The following DNAJC5B variants were observed in gnomAD, a reference collection of about 807,000 sequenced individuals.
The protein encoded by DNAJC5B is DnaJ heat shock protein family (Hsp40) member C5 beta.
In DNAJC5B, 23 loss-of-function variants were observed where a neutral mutation model predicts 24.7. The observed-to-expected ratio is 0.93, with a 90% CI of 0.67 to 1.32. The LOEUF (loss-of-function observed/expected upper bound fraction) is 1.32, where lower values mean the gene tolerates loss of function less well. Among genes scored for constraint, DNAJC5B ranks in the 40% most tolerant of loss-of-function variants. The pLI, the probability that DNAJC5B is intolerant of heterozygous loss-of-function variation, is 0.00. For missense variants in DNAJC5B, 238 were observed against 240.8 expected, an observed-to-expected ratio of 0.99 and a Z score of 0.08; for synonymous variants, 101 against 90.1, an observed-to-expected ratio of 1.12 and a Z score of -0.68.
chr8:66,080,658 T>G, intron 5 of DNAJC5B, 110 bp downstream of exon 5: 1 of 898,398 alleles, frequency 1.1e-6, no homozygotes, highest in Non-Finnish European at 1.6e-6. Flanking sequence ...CACAACCAAA[T>G]GGGTGGAACT....
At chr8:66,045,875 G>T (rs74542209) in intron 2 of DNAJC5B, among the ~76,000 whole-genome samples, 2,664 of 152,274 alleles carry the variant, frequency 0.017, 68 homozygotes, top group African/African-American at 0.06. Context: ...TTTGTGAAAA[G>T]CATGAATGCT....
At chr8:66,091,268 A>T (rs1030626774) in intron 5 of DNAJC5B, among the ~76,000 whole-genome samples, 4 of 152,200 alleles carry the variant, frequency 2.6e-5, no homozygotes, top group African/African-American at 7.2e-5. Context: ...GTTAATTTAC[A>T]GGTACAATAA....
At chr8:66,037,654 C>T (rs774329939) in intron 1 of DNAJC5B, among the ~76,000 whole-genome samples, 17 of 152,158 alleles carry the variant, frequency 1.1e-4, no homozygotes, top group East Asian at 3.8e-4. Context: ...GGGAACCTTC[C>T]GATGACACTC....
At position 66,100,664 on chromosome 8, in the gene DNAJC5B, A is replaced by G. The variant is rs1808055554; in HGVS notation, c.*633A>G. 1 of 152,260 alleles carries G rather than the reference A, an allele frequency of 6.6e-6. No individual in the cohort carries two copies. The highest frequency in any genetic ancestry group is 1.5e-5 in the Non-Finnish European group (1 of 68,052). 9.4% of individuals were successfully genotyped at this position (152,260 alleles called of 1,614,324 possible). On this transcript the variant is annotated 3_prime_UTR_variant, in exon 6 of 6. Coordinates refer to ENST00000276570, the MANE Select transcript of DNAJC5B (RefSeq NM_033105.6). ...ATTGGCTTAAAAACAAAACAAAACA[A>G]AACTTCAACCTGGTTAAATGTTGTA...
intron 3 of DNAJC5B, among the ~76,000 whole-genome samples, chr8:66,059,923 TC>T (rs1807044795): frequency 6.6e-6 from 1 of 152,156 alleles, no homozygotes; most frequent in Non-Finnish European, 1.5e-5. Context: ...AGTCCCCAAG[TC>T]CCGACCGCTC....
chr8:66,070,831 A>G (rs763751621), intron 3 of DNAJC5B, among the ~76,000 whole-genome samples: 6 of 152,236 alleles, frequency 3.9e-5, no homozygotes, highest in Non-Finnish European at 8.8e-5. Context: ...TCAAAACAGC[A>G]TGGTACTGGT....
intron 3 of DNAJC5B, among the ~76,000 whole-genome samples, chr8:66,069,073 A>T (rs761011599): frequency 3.9e-5 from 6 of 152,108 alleles, no homozygotes; most frequent in Non-Finnish European, 7.4e-5. Flanking sequence ...AAGAATGATA[A>T]AAGAATATAT....
chr8:66,036,007 C>T (rs1023970264), intron 1 of DNAJC5B, among the ~76,000 whole-genome samples: 2 of 152,164 alleles, frequency 1.3e-5, no homozygotes, highest in African/African-American at 4.8e-5. Flanking sequence ...GGGTTGTAAA[C>T]GCAGATGCCC....
At chr8:66,080,278 C>T in intron 4 of DNAJC5B, 99 bp from the exon 5 acceptor site, 1 of 1,514,290 alleles carries the variant, frequency 6.6e-7, no homozygotes, top group Non-Finnish European at 8.9e-7. Flanking sequence ...GTGAAGTGTT[C>T]AGGTCTCTGG....
At chr8:66,083,003 CTTTTTTTTTTTT>C (rs765749597) in intron 5 of DNAJC5B, among the ~76,000 whole-genome samples, 12 of 86,718 alleles carry the variant, frequency 1.4e-4, no homozygotes, top group Non-Finnish European at 2.0e-4. Flanking sequence ...CTTTTCTTTT[CTTTTTTTTTTTT>C]TTTTTTTTTT....
At chr8:66,089,847 C>T (rs966406631) in intron 5 of DNAJC5B, among the ~76,000 whole-genome samples, 5 of 152,104 alleles carry the variant, frequency 3.3e-5, no homozygotes, top group Non-Finnish European at 7.4e-5. Context: ...TAAGCAGATT[C>T]CTATGTCTTT....
chr8:66,097,087 C>A (rs1807968975), intron 5 of DNAJC5B, among the ~76,000 whole-genome samples: 1 of 152,006 alleles, frequency 6.6e-6, no homozygotes, highest in Non-Finnish European at 1.5e-5. Context: ...AGTTAATATA[C>A]ATAAAGTGCT....
At chr8:66,068,295 CAAG>C (rs1807268017) in intron 3 of DNAJC5B, among the ~76,000 whole-genome samples, 1 of 151,758 alleles carries the variant, frequency 6.6e-6, no homozygotes, top group Admixed American at 6.6e-5. Context: ...TATCTATGAC[CAAG>C]AAGATAAAAT....
chr8:66,079,862 A>G (rs1200609889), intron 4 of DNAJC5B, among the ~76,000 whole-genome samples: 1 of 152,158 alleles, frequency 6.6e-6, no homozygotes, highest in Non-Finnish European at 1.5e-5. Context: ...GGATAGAGGC[A>G]TGAGGGAGGA....
intron 3 of DNAJC5B, among the ~76,000 whole-genome samples, chr8:66,059,300 T>C (rs1434464706): frequency 6.6e-6 from 1 of 152,272 alleles, no homozygotes; most frequent in Non-Finnish European, 1.5e-5. Context: ...AGTCTCCCCT[T>C]ATCATGCTGT....
rs192129180 is a variant in DNAJC5B, at chr8:66,064,648, A to G, written c.120-12012A>G. 3.0e-3 allele frequency among the ~76,000 whole-genome samples: 463 copies of G among 152,330 alleles called. 5 individuals are homozygous for G. The highest frequency in any genetic ancestry group is 0.011 in the African/African-American group (447 of 41,580). On this transcript the variant is annotated intron_variant, in intron 3 of 5. Coordinates refer to ENST00000276570, the MANE Select transcript of DNAJC5B (RefSeq NM_033105.6). ...TTTATTGGGAGCTTGGGCCAGATAC[A>G]GATATTTTGAGCTGTATGCAGCCTA...
At chr8:66,059,356 TAGA>T (rs775938827) in intron 3 of DNAJC5B, among the ~76,000 whole-genome samples, 1 of 152,240 alleles carries the variant, frequency 6.6e-6, no homozygotes, top group Non-Finnish European at 1.5e-5. Flanking sequence ...CAGATAGGCC[TAGA>T]AGAAGTCATC....
At chr8:66,038,890 T>C (rs1162027409) in intron 1 of DNAJC5B, among the ~76,000 whole-genome samples, 1 of 152,234 alleles carries the variant, frequency 6.6e-6, no homozygotes, top group African/African-American at 2.4e-5. Context: ...CATATTATGT[T>C]GCCTAGCAGG....
intron 5 of DNAJC5B, among the ~76,000 whole-genome samples, chr8:66,089,981 G>C (rs748561475): frequency 4.6e-5 from 7 of 152,104 alleles, no homozygotes; most frequent in South Asian, 2.1e-4. Context: ...CCCCAGTTTT[G>C]TTGTCTTTGA....
Sources: gnomAD v4.1 joint callset for allele counts (sites outside exome capture counted in the v4.1 genomes callset) on GRCh38, gnomAD v4.1.1 for gene constraint, MANE v1.5 for transcripts, NCBI Gene and HGNC (gene_info 2026-07-23, HGNC 2026-07-21) for gene names.